The following PCDH9 variants were observed in gnomAD, a reference collection of about 807,000 sequenced individuals.
PCDH9 encodes protocadherin 9.
Under a neutral mutation model 70.6 loss-of-function variants are expected in PCDH9, and 24 were observed. The observed-to-expected ratio is 0.34, with a 90% CI of 0.25 to 0.48. PCDH9 has a LOEUF of 0.48. Among genes scored for constraint, PCDH9 ranks in the 20% least tolerant of loss-of-function variants. PCDH9 has a pLI of 0.99. For synonymous variants in PCDH9, 562 were observed against 558.5 expected (o/e 1.01, Z -0.09); for missense variants, 1,281 against 1,503.6 (o/e 0.85, Z 2.45).
chr13:66,389,207 A>C (rs1314336729), intron 4 of PCDH9, among the ~76,000 whole-genome samples: 1 of 152,158 alleles, frequency 6.6e-6, no homozygotes, highest in Admixed American at 6.6e-5. Flanking sequence ...ATGTGTTTAA[A>C]AATATCTTTA....
chr13:66,347,470 A>G (rs1956229853), intron 4 of PCDH9, among the ~76,000 whole-genome samples: 2 of 152,222 alleles, frequency 1.3e-5, no homozygotes, highest in Admixed American at 1.3e-4. Flanking sequence ...TCACTCGGAA[A>G]AAAAACAAAA....
chr13:66,550,072 A>G (rs908564623), intron 4 of PCDH9, among the ~76,000 whole-genome samples: 8 of 152,156 alleles, frequency 5.3e-5, no homozygotes, highest in South Asian at 2.1e-4. Context: ...CTATAATTCA[A>G]AAACATTTTT....
intron 3 of PCDH9, among the ~76,000 whole-genome samples, chr13:66,672,295 T>C (rs1393157231): frequency 1.3e-5 from 2 of 152,224 alleles, no homozygotes; most frequent in African/African-American, 4.8e-5. Context: ...TTTCACTATA[T>C]GGGAGGTCCA....
At chr13:66,920,301 A>G (rs2082618935) in intron 2 of PCDH9, among the ~76,000 whole-genome samples, 1 of 151,124 alleles carries the variant, frequency 6.6e-6, no homozygotes, top group Non-Finnish European at 1.5e-5. Context: ...GTTTCCAGGT[A>G]AAAAAGGAAA....
intron 3 of PCDH9, among the ~76,000 whole-genome samples, chr13:66,892,062 G>T (rs1295756790): frequency 6.6e-6 from 1 of 151,474 alleles, no homozygotes; most frequent in Non-Finnish European, 1.5e-5. Context: ...ATCAATTAAA[G>T]AATTTTTTTC....
At chr13:66,906,435 A>G (rs1401879967) in intron 2 of PCDH9, among the ~76,000 whole-genome samples, 4 of 152,222 alleles carry the variant, frequency 2.6e-5, no homozygotes, top group African/African-American at 4.8e-5. Flanking sequence ...TGGACTTAAT[A>G]TAAGGGCCAA....
intron 2 of PCDH9, among the ~76,000 whole-genome samples, chr13:67,081,244 T>C (rs1220101330): frequency 6.6e-6 from 1 of 152,168 alleles, no homozygotes; most frequent in Non-Finnish European, 1.5e-5. Context: ...TTTTGAGCAT[T>C]GCAGTTATTT....
intron 4 of PCDH9, among the ~76,000 whole-genome samples, chr13:66,462,261 A>T (rs1045992465): frequency 6.6e-6 from 1 of 151,852 alleles, no homozygotes; most frequent in African/African-American, 2.4e-5. Context: ...ATTGGAAAGG[A>T]TTGGATTGGA....
chr13:66,474,396 TG>T (rs1958680121), intron 4 of PCDH9, among the ~76,000 whole-genome samples: 2 of 152,130 alleles, frequency 1.3e-5, no homozygotes, highest in African/African-American at 4.8e-5. Context: ...TCTAACGTAC[TG>T]ATCTGAAGCA....
At chr13:66,351,565 T>G (rs564154737) in intron 4 of PCDH9, among the ~76,000 whole-genome samples, 15 of 152,266 alleles carry the variant, frequency 9.9e-5, no homozygotes, top group African/African-American at 3.6e-4. Flanking sequence ...CTTCAAATAT[T>G]TTTGAGTGAC....
intron 3 of PCDH9, among the ~76,000 whole-genome samples, chr13:66,807,844 A>C (rs1023784449): frequency 6.6e-6 from 1 of 152,194 alleles, no homozygotes; most frequent in Non-Finnish European, 1.5e-5. Context: ...GGTGTTCATA[A>C]TTATAAGAAG....
chr13:67,124,060 T>G (rs2086928065), intron 2 of PCDH9, among the ~76,000 whole-genome samples: 1 of 152,094 alleles, frequency 6.6e-6, no homozygotes, highest in Admixed American at 6.5e-5. Flanking sequence ...GTACAATTAT[T>G]TTGAATCATA....
intron 2 of PCDH9, among the ~76,000 whole-genome samples, chr13:66,999,724 A>G (rs1284528790): frequency 6.6e-6 from 1 of 152,100 alleles, no homozygotes; most frequent in Non-Finnish European, 1.5e-5. Context: ...CAAAAGACAC[A>G]TGAAAAAATG....
At chr13:66,845,699 G>A (rs1054788503) in intron 3 of PCDH9, among the ~76,000 whole-genome samples, 2 of 152,146 alleles carry the variant, frequency 1.3e-5, no homozygotes, top group East Asian at 1.9e-4. Flanking sequence ...CTCCCTCACT[G>A]CAGCTGGCAT....
At chr13:66,884,506 TG>T (rs1447253283) in intron 3 of PCDH9, among the ~76,000 whole-genome samples, 1 of 152,148 alleles carries the variant, frequency 6.6e-6, no homozygotes, top group East Asian at 1.9e-4. Context: ...GTTGAGAGAC[TG>T]AGTTGGTGGT....
At chr13:66,718,028 T>C (rs2078894177) in intron 3 of PCDH9, among the ~76,000 whole-genome samples, 1 of 152,130 alleles carries the variant, frequency 6.6e-6, no homozygotes, top group Non-Finnish European at 1.5e-5. Flanking sequence ...AAAAAACAGT[T>C]GAAAAAGGGT....
intron 4 of PCDH9, among the ~76,000 whole-genome samples, chr13:66,626,062 G>T (rs1370227388): frequency 6.6e-6 from 1 of 152,064 alleles, no homozygotes; most frequent in African/African-American, 2.4e-5. Flanking sequence ...GCTATCATGA[G>T]ATTTTTTTTT....
chr13:67,161,884 T>C (rs1401810154), intron 2 of PCDH9, among the ~76,000 whole-genome samples: 1 of 152,222 alleles, frequency 6.6e-6, no homozygotes, highest in East Asian at 1.9e-4. Context: ...CTCCAAGGAA[T>C]ATAGAGTTTC....
At chr13:67,183,276 G>GA (rs915648672) in intron 2 of PCDH9, among the ~76,000 whole-genome samples, 2 of 151,636 alleles carry the variant, frequency 1.3e-5, no homozygotes, top group East Asian at 1.9e-4. Flanking sequence ...TAACTATTAA[G>GA]AAAAAAAACA....
Sources: gnomAD v4.1 joint callset for allele counts (sites outside exome capture counted in the v4.1 genomes callset) on GRCh38, gnomAD v4.1.1 for gene constraint, MANE v1.5 for transcripts, NCBI Gene and HGNC (gene_info 2026-07-23, HGNC 2026-07-21) for gene names.